ERN1: variants seen among roughly 807,000 people sequenced by gnomAD.
The protein encoded by ERN1 is serine/threonine-protein kinase/endoribonuclease IRE1.
Under a neutral mutation model 113.1 loss-of-function variants are expected in ERN1, and 39 were observed. That is an observed-to-expected ratio of 0.34 (90% CI 0.27 to 0.45). ERN1 has a LOEUF of 0.45. ERN1 is among the 20% of genes least tolerant of loss of function. ERN1 has a pLI of 1.00. For missense variants in ERN1, 976 were observed against 1,274.8 expected (o/e 0.77, Z 3.57); for synonymous variants, 507 against 515.9 (o/e 0.98, Z 0.23).
chr17:64,092,102 G>T (rs925918622), intron 2 of ERN1, among the ~76,000 whole-genome samples: 2 of 152,092 alleles, frequency 1.3e-5, no homozygotes, highest in Non-Finnish European at 2.9e-5. Flanking sequence ...AGGTGCGGGG[G>T]GCATGGATGG....
chr17:64,057,385 TTGCTCTGTCGCC>T (rs1912906479), intron 12 of ERN1, among the ~76,000 whole-genome samples: 1 of 1,838 alleles, frequency 5.4e-4, no homozygotes, highest in African/African-American at 9.0e-4. Context: ...AGATGGAGTC[TTGCTCTGTCGCC>T]TTGCTCTGTC....
At chr17:64,077,285 T>C (rs554729147) in intron 4 of ERN1, among the ~76,000 whole-genome samples, 1 of 152,322 alleles carries the variant, frequency 6.6e-6, no homozygotes, top group East Asian at 1.9e-4. Context: ...ACTTGGAAGC[T>C]TTAAAAACTT....
Position 64,039,445 on chromosome 17 carries a change from A to C in ERN1, c.*4543T>G, listed in dbSNP as rs1404580707. The C allele has an allele frequency of 1.3e-5, 2 of 152,328 alleles. No homozygotes were observed. The highest frequency in any genetic ancestry group is 6.5e-5 in the Admixed American group (1 of 15,302). 9.4% of individuals were successfully genotyped at this position (152,328 alleles called of 1,614,324 possible). On this transcript the variant is annotated 3_prime_UTR_variant, in exon 22 of 22. Coordinates refer to ENST00000433197, the MANE Select transcript of ERN1 (RefSeq NM_001433.5). Reference sequence around the variant, plus strand: ...GCACAGAATTCTTAAAAATCACCTAAAAATTAACATTTTACCCCGACCAAA... The same window carrying C: ...GCACAGAATTCTTAAAAATCACCTACAAATTAACATTTTACCCCGACCAAA...
chr17:64,108,145 C>T (rs1169557285), intron 1 of ERN1, among the ~76,000 whole-genome samples: 3 of 151,958 alleles, frequency 2.0e-5, no homozygotes, highest in African/African-American at 7.3e-5. Context: ...TTAACCACCA[C>T]CCAAGACAGT....
intron 1 of ERN1, among the ~76,000 whole-genome samples, chr17:64,125,760 A>T (rs1915064991): frequency 6.6e-6 from 1 of 152,184 alleles, no homozygotes; most frequent in Non-Finnish European, 1.5e-5. Flanking sequence ...AAGTGCTGGG[A>T]TTACAGGCGC....
rs1293505442 is a variant in ERN1 at position 64,058,141 on chromosome 17, A to G, written c.1207-148T>C. ...GTTTTAAGCTCACCAAAGATCATGT[A>G]GCCAGATAACTGTTGCCTCTTTCAA... is the stretch of plus-strand genomic sequence containing the variant. On this transcript the variant is annotated intron_variant, in intron 11 of 21. Transcript: ENST00000433197. 3 of 653,422 alleles carry G rather than the reference A, an allele frequency of 4.6e-6. No individual in the cohort carries two copies. The African/African-American group carries it at 5.6e-5, about 12-fold the overall frequency. 40.5% of individuals were successfully genotyped at this position (653,422 alleles called of 1,614,324 possible).
chr17:64,107,065 C>G (rs1182890999), intron 1 of ERN1, among the ~76,000 whole-genome samples: 1 of 152,130 alleles, frequency 6.6e-6, no homozygotes, highest in Non-Finnish European at 1.5e-5. Context: ...CTTTCTAATA[C>G]CATTTCATCA....
At chr17:64,098,774 T>C (rs926037988) in intron 1 of ERN1, among the ~76,000 whole-genome samples, 2 of 151,834 alleles carry the variant, frequency 1.3e-5, no homozygotes, top group Non-Finnish European at 2.9e-5. Flanking sequence ...TAAAAGTAAA[T>C]GAATAAAAAG....
intron 1 of ERN1, among the ~76,000 whole-genome samples, chr17:64,127,405 C>G (rs1735701847): frequency 6.6e-6 from 1 of 152,034 alleles, no homozygotes; most frequent in Non-Finnish European, 1.5e-5. Context: ...GAAGGTGGTG[C>G]CTTCTTTCAC....
rs1388435463 is a variant in ERN1, at chr17:64,044,802, G to A, written c.2721+58C>T. On this transcript the variant is annotated intron_variant, in intron 21 of 21. Transcript: ENST00000433197. This position sits in a 1 kb window ranked among gnomAD's most constrained non-coding sequence, Gnocchi z 4.1. ...GATTTATAAAGAATGGATGAAAGGA[G>A]GAAGGTGTCCATGTCATGGCCACTG... The A allele has an allele frequency of 2.9e-5, 30 of 1,049,384 alleles. No individual in the cohort carries two copies. The East Asian group carries it at 7.4e-4, about 26-fold the overall frequency. The allele number at this position is 1,049,384 out of a possible 1,614,324, so 65.0% of individuals were successfully genotyped here.
intron 7 of ERN1, 98 bp downstream of exon 7, chr17:64,068,092 G>A: frequency 1.3e-6 from 1 of 792,044 alleles, no homozygotes; most frequent in Non-Finnish European, 2.1e-6. Context: ...TGGTGACAAA[G>A]AGTATCTTAA....
intron 12 of ERN1, among the ~76,000 whole-genome samples, chr17:64,056,510 G>A (rs180766055): frequency 1.3e-5 from 2 of 152,326 alleles, no homozygotes; most frequent in Admixed American, 1.3e-4. Context: ...GACACATGGT[G>A]AGCCTGGCTG....
intron 12 of ERN1, among the ~76,000 whole-genome samples, chr17:64,056,778 T>A (rs1274509113): frequency 6.6e-6 from 1 of 152,152 alleles, no homozygotes; most frequent in Non-Finnish European, 1.5e-5. Flanking sequence ...TTACTTAGCT[T>A]CTCAGGGTCT....
intron 4 of ERN1, among the ~76,000 whole-genome samples, chr17:64,078,054 G>C (rs1248926059): frequency 6.6e-6 from 1 of 152,158 alleles, no homozygotes; most frequent in Non-Finnish European, 1.5e-5. Flanking sequence ...TTTCTGTTGG[G>C]TCTGTAACCT....
chr17:64,053,128 T>C, intron 16 of ERN1, 144 bp downstream of exon 16: 2 of 913,898 alleles, frequency 2.2e-6, no homozygotes, highest in African/African-American at 1.7e-5. Context: ...CCTCCTCAAA[T>C]TCTTACACCA....
At chr17:64,123,804 C>G (rs551750403) in intron 1 of ERN1, among the ~76,000 whole-genome samples, 4 of 152,060 alleles carry the variant, frequency 2.6e-5, no homozygotes, top group Admixed American at 2.0e-4. Flanking sequence ...AAAATAAAAA[C>G]AGCCTCAATA....
chr17:64,106,658 T>C (rs1914535012), intron 1 of ERN1, among the ~76,000 whole-genome samples: 1 of 149,302 alleles, frequency 6.7e-6, no homozygotes, highest in Admixed American at 6.8e-5. Context: ...TTTTAAGAAA[T>C]ACCAGTAAGA....
intron 1 of ERN1, among the ~76,000 whole-genome samples, chr17:64,100,991 C>A (rs1023711048): frequency 2.0e-5 from 3 of 152,150 alleles, no homozygotes; most frequent in African/African-American, 7.2e-5. Flanking sequence ...GGCTCAGAGA[C>A]CCTCCAGTCC....
At chr17:64,104,416 T>C (rs1015568557) in intron 1 of ERN1, among the ~76,000 whole-genome samples, 1 of 152,150 alleles carries the variant, frequency 6.6e-6, no homozygotes, top group Non-Finnish European at 1.5e-5. Context: ...GAAAGCTGAA[T>C]GTTCCTTATC....
Sources: allele counts gnomAD v4.1 joint callset (sites outside exome capture counted in the v4.1 genomes callset), GRCh38; gene constraint gnomAD v4.1.1; non-coding constraint Gnocchi (gnomAD v3.1); transcripts MANE v1.5; gene names NCBI Gene and HGNC (gene_info 2026-07-23, HGNC 2026-07-21).